The following EPB41L2 variants were observed in gnomAD, a reference collection of about 807,000 sequenced individuals.
EPB41L2 encodes the protein erythrocyte membrane protein band 4.1 like 2.
In EPB41L2, 43 loss-of-function variants were observed where a neutral mutation model predicts 113.0. The observed-to-expected ratio is 0.38, with a 90% CI of 0.30 to 0.49. The LOEUF (loss-of-function observed/expected upper bound fraction) is 0.49. EPB41L2 is among the 20% of genes least tolerant of loss of function. The pLI is 0.95. For synonymous variants in EPB41L2, 442 were observed against 436.7 expected (o/e 1.01, Z -0.15); for missense variants, 1,147 against 1,223.4 (o/e 0.94, Z 0.93).
At chr6:130,913,485 A>G (rs1256607786) in intron 4 of EPB41L2, among the ~76,000 whole-genome samples, 1 of 152,282 alleles carries the variant, frequency 6.6e-6, no homozygotes, top group East Asian at 1.9e-4. Flanking sequence ...AACAGACCAT[A>G]TTATTTATAT....
chr6:130,917,770 C>G (rs1488858981), intron 4 of EPB41L2, among the ~76,000 whole-genome samples: 1 of 152,064 alleles, frequency 6.6e-6, no homozygotes, highest in African/African-American at 2.4e-5. Context: ...GTTCCTTTCC[C>G]CCCAAAAAAA....
intron 1 of EPB41L2, among the ~76,000 whole-genome samples, chr6:130,982,891 T>C (rs568922513): frequency 1.3e-5 from 2 of 152,320 alleles, no homozygotes; most frequent in South Asian, 4.1e-4. Flanking sequence ...GCAAAAATCA[T>C]ACAGTGGTTA....
chr6:130,944,025 T>C lies in EPB41L2; in HGVS notation c.705+11080A>G, dbSNP rs563743538. The stretch of plus-strand genomic sequence containing the variant: ...TTCACAATCTTTTGTAGAAACATAA[T>C]AGTTTTCATTTACAATAAGCCTTTG... On this transcript the variant is annotated intron_variant, in intron 3 of 19. Transcript: ENST00000337057. Among the ~76,000 whole-genome samples the C allele has an allele frequency of 4.3e-4, 66 of 152,312 alleles. 1 individual carries two copies. In the South Asian group the frequency reaches 0.013, roughly 29 times the overall value.
intron 4 of EPB41L2, among the ~76,000 whole-genome samples, chr6:130,910,206 T>G (rs550690629): frequency 2.8e-4 from 43 of 152,180 alleles, no homozygotes; most frequent in Non-Finnish European, 4.9e-4. Context: ...ACAGAACAGA[T>G]GCCTCAGAAA....
chr6:131,051,081 A>G lies in EPB41L2; in HGVS notation c.-15+12074T>C, dbSNP rs1221917356. ...TAAGAGTTTATAATGAACTCCTTGA[A>G]AGACCACAGGAAAAAAATATAATAC... On this transcript the variant is annotated intron_variant, in intron 1 of 19. Coordinates refer to ENST00000337057, the MANE Select transcript of EPB41L2 (RefSeq NM_001431.4). 2.0e-5 allele frequency among the ~76,000 whole-genome samples: 3 copies of G among 152,184 alleles called. 1 individual carries two copies. The East Asian group carries it at 5.8e-4, about 29-fold the overall frequency.
chr6:130,939,751 A>AC (rs1810154417), intron 3 of EPB41L2, among the ~76,000 whole-genome samples: 1 of 152,220 alleles, frequency 6.6e-6, no homozygotes, highest in Admixed American at 6.5e-5. Context: ...TACTAAAGCT[A>AC]CCACAATCAA....
intron 3 of EPB41L2, among the ~76,000 whole-genome samples, chr6:130,943,797 C>G (rs1244689028): frequency 1.3e-5 from 2 of 152,076 alleles, no homozygotes; most frequent in East Asian, 1.9e-4. Flanking sequence ...TATTAGAAAA[C>G]AAGGGACAAA....
At chr6:130,937,673 G>T (rs564593604) in intron 3 of EPB41L2, among the ~76,000 whole-genome samples, 1 of 152,218 alleles carries the variant, frequency 6.6e-6, no homozygotes, top group East Asian at 1.9e-4. Context: ...ACAAAAAATT[G>T]CCAGTTGCAG....
At chr6:130,917,011 T>G (rs1026775002) in intron 4 of EPB41L2, among the ~76,000 whole-genome samples, 1 of 152,220 alleles carries the variant, frequency 6.6e-6, no homozygotes, top group Non-Finnish European at 1.5e-5. Flanking sequence ...AGGGCACAGT[T>G]TCCACATTCC....
At chr6:130,953,244 T>C (rs959372572) in intron 3 of EPB41L2, among the ~76,000 whole-genome samples, 10 of 152,050 alleles carry the variant, frequency 6.6e-5, no homozygotes, top group African/African-American at 2.2e-4. Flanking sequence ...TATGGTCTCT[T>C]ACTCCTATCC....
chr6:130,842,300 A>G lies in EPB41L2; in HGVS notation c.*6-1702T>C, dbSNP rs559335472. On this transcript the variant is annotated intron_variant, in intron 19 of 19. Coordinates refer to ENST00000337057, the MANE Select transcript of EPB41L2 (RefSeq NM_001431.4). The stretch of plus-strand genomic sequence containing the variant: ...CTGTTTGATTCTAGGCTGGGGGAAA[A>G]AAAAATCAATGGAGAAAATAGAAAG... Among the ~76,000 whole-genome samples the G allele has an allele frequency of 1.3e-3, 192 of 152,244 alleles. 1 individual carries two copies. Among genetic ancestry groups the G allele is most frequent in the African/African-American group, 4.5e-3 (185 of 41,550 alleles).
chr6:130,891,775 T>C (rs1176058022), intron 10 of EPB41L2, among the ~76,000 whole-genome samples: 1 of 152,136 alleles, frequency 6.6e-6, no homozygotes, highest in African/African-American at 2.4e-5. Flanking sequence ...ACATTCTTAT[T>C]CCACTAGTAT....
chr6:130,954,854 T>C (rs181946912), intron 3 of EPB41L2, among the ~76,000 whole-genome samples: 1 of 152,318 alleles, frequency 6.6e-6, no homozygotes, highest in Admixed American at 6.5e-5. Context: ...ATATTCCAAA[T>C]ATTTAACACC....
Position 130,904,415 on chromosome 6 carries a change from A to G in EPB41L2, c.929+50T>C, listed in dbSNP as rs202051732. ...CACTATGCTCCCAGGGCACAAAAAT[A>G]AACGAGAGCTGTAAGGAAAGGTTCA... On this transcript the variant is annotated intron_variant, in intron 6 of 19. Coordinates refer to ENST00000337057, the MANE Select transcript of EPB41L2 (RefSeq NM_001431.4). The G allele has an allele frequency of 1.2e-4, 160 of 1,327,988 alleles. No homozygotes were observed. The Middle Eastern group carries it at 1.3e-3, about 11-fold the overall frequency. The allele number at this position is 1,327,988 out of a possible 1,614,324, so 82.3% of individuals were successfully genotyped here. A position where few individuals can be genotyped will look rare whatever the true frequency, so the allele number is the denominator to read the frequency against.
intron 18 of EPB41L2, among the ~76,000 whole-genome samples, chr6:130,860,762 C>T (rs1174362005): frequency 6.6e-6 from 1 of 151,876 alleles, no homozygotes; most frequent in Non-Finnish European, 1.5e-5. Context: ...TCTCGATCTC[C>T]TGACCTCATG....
rs868292146 is a variant in EPB41L2 at position 130,923,178 on chromosome 6, C to T, written c.810+3427G>A. 2.6e-5 allele frequency among the ~76,000 whole-genome samples: 4 copies of T among 152,214 alleles called. No homozygotes were observed. The South Asian group carries it at 8.3e-4, about 32-fold the overall frequency. On this transcript the variant is annotated intron_variant, in intron 4 of 19. Transcript: ENST00000337057. ...TCAGCCTCCTTCCTCATTCTCTCTT[C>T]AATCATTCGCTTTTCTACTTCCACT...
intron 1 of EPB41L2, among the ~76,000 whole-genome samples, chr6:131,052,798 G>A (rs1167336819): frequency 6.6e-6 from 1 of 152,114 alleles, no homozygotes; most frequent in African/African-American, 2.4e-5. Context: ...ACCTCAGCAA[G>A]GTGGCAGAAT....
At chr6:131,019,704 A>C (rs1789020921) in intron 1 of EPB41L2, among the ~76,000 whole-genome samples, 1 of 152,128 alleles carries the variant, frequency 6.6e-6, no homozygotes, top group Non-Finnish European at 1.5e-5. Flanking sequence ...GAAATTGTAT[A>C]TTATTTCTTC....
At chr6:131,036,761 G>C (rs766982837) in intron 1 of EPB41L2, among the ~76,000 whole-genome samples, 7 of 152,084 alleles carry the variant, frequency 4.6e-5, no homozygotes, top group Non-Finnish European at 8.8e-5. Context: ...GTACAAGCCA[G>C]GGTTGAATAC....
Sources: allele counts gnomAD v4.1 joint callset (sites outside exome capture counted in the v4.1 genomes callset), GRCh38; gene constraint gnomAD v4.1.1; transcripts MANE v1.5; gene names NCBI Gene and HGNC (gene_info 2026-07-23, HGNC 2026-07-21).